Variants in SLC6A16 observed in about 807,000 individuals in gnomAD.
SLC6A16 encodes the protein orphan sodium- and chloride-dependent neurotransmitter transporter NTT5.
A neutral mutation model predicts 65.4 loss-of-function variants in SLC6A16; 54 were observed. The observed-to-expected ratio is 0.83, with a 90% CI of 0.66 to 1.04. The LOEUF is 1.04. Ranked by LOEUF, SLC6A16 falls within the 50% of genes least tolerant of loss-of-function variation. The probability of loss-of-function intolerance (pLI) is 0.00; values close to 1 mark genes in which losing one functional copy is unlikely to be tolerated. For missense variants in SLC6A16, 816 were observed against 914.0 expected, an observed-to-expected ratio of 0.89 and a Z score of 1.38; for synonymous variants, 330 against 346.5, an observed-to-expected ratio of 0.95 and a Z score of 0.53.
chr19:49,325,120 C>A lies in SLC6A16; in HGVS notation c.-137G>T. 1.0e-6 allele frequency: 1 copy of A among 985,618 alleles called. No homozygotes were observed. 61.1% of individuals were successfully genotyped at this position (985,618 alleles called of 1,614,324 possible). On this transcript the variant is annotated 5_prime_UTR_variant, in exon 1 of 12. Coordinates refer to ENST00000335875, the MANE Select transcript of SLC6A16 (RefSeq NM_014037.3). ...AAAAATGAGGGTGAAGAAGCCCCAG[C>A]TGAGAAGCCTAGCAATCTCCTCAGG...
the SLC6A16 span, among the ~76,000 whole-genome samples, chr19:49,331,116 G>T: frequency 6.6e-6 from 1 of 152,102 alleles, no homozygotes; most frequent in African/African-American, 2.4e-5. Context: ...GTGTCAGCAC[G>T]CCACTTCCTT....
chr19:49,296,512 C>A (rs117339514), intron 7 of SLC6A16, among the ~76,000 whole-genome samples: 1 of 151,894 alleles, frequency 6.6e-6, no homozygotes, highest in Non-Finnish European at 1.5e-5. Context: ...TAATTGTCAA[C>A]GAAGATACCA....
chr19:49,290,856 A>C (rs966485598), intron 10 of SLC6A16, 89 bp from the exon 11 acceptor site: 2 of 1,040,708 alleles, frequency 1.9e-6, no homozygotes, highest in Non-Finnish European at 2.8e-6. Context: ...TCTTTCAAAC[A>C]TTCTATTGTA....
the SLC6A16 span, chr19:49,338,598 C>A: frequency 2.4e-6 from 2 of 829,744 alleles, no homozygotes; most frequent in South Asian, 3.0e-5. The surrounding 1 kb of genome is among the most constrained non-coding windows in gnomAD (Gnocchi z 5.0). Context: ...ACCACTTAGT[C>A]CCCTGCTCCC....
intron 7 of SLC6A16, among the ~76,000 whole-genome samples, chr19:49,299,196 AG>A: frequency 6.6e-6 from 1 of 151,480 alleles, no homozygotes; most frequent in East Asian, 1.9e-4. Context: ...CAGTGAGCCG[AG>A]ATCGCACCTC....
At position 49,290,564 on chromosome 19, in the gene SLC6A16, C is replaced by T. The variant is rs747527331; in HGVS notation, c.1941+41G>A. On this transcript the variant is annotated intron_variant, in intron 11 of 11. Coordinates refer to ENST00000335875, the MANE Select transcript of SLC6A16 (RefSeq NM_014037.3). The stretch of plus-strand genomic sequence containing the variant: ...CCCAGAGTGAATTGAAAGGTCTGGC[C>T]CCTACTCCCAAAGGGGTTCTGGGTC... 1.3e-5 allele frequency: 21 copies of T among 1,607,486 alleles called. No individual in the cohort carries two copies. In the African/African-American group the frequency reaches 2.0e-4, roughly 15 times the overall value.
the SLC6A16 span, among the ~76,000 whole-genome samples, chr19:49,334,065 G>C: frequency 6.6e-6 from 1 of 152,194 alleles, no homozygotes; most frequent in East Asian, 1.9e-4. Flanking sequence ...TTCCCACCTC[G>C]AGCCTGTAGC....
intron 7 of SLC6A16, among the ~76,000 whole-genome samples, chr19:49,302,485 A>T (rs572605582): frequency 2.0e-5 from 3 of 152,296 alleles, no homozygotes; most frequent in African/African-American, 7.2e-5. Flanking sequence ...GTGCCACTGG[A>T]CCCAGTGCCA....
rs1970480241 is a variant in SLC6A16 at position 49,309,965 on chromosome 19, C to G, written c.700+75G>C. The G allele has an allele frequency of 3.2e-6, 5 of 1,545,474 alleles. No homozygotes were observed. The South Asian group carries it at 5.8e-5, about 18-fold the overall frequency. The stretch of plus-strand genomic sequence containing the variant: ...TTCCTCTTCCTTGTCCCTCCCCACT[C>G]TCTCCTATTCCAAATTCCCTTCTAC... On this transcript the variant is annotated intron_variant, in intron 4 of 11. Coordinates refer to ENST00000335875, the MANE Select transcript of SLC6A16 (RefSeq NM_014037.3).
At chr19:49,325,572 T>C (rs1165539763), upstream of SLC6A16, among the ~76,000 whole-genome samples, 1 of 152,172 alleles carries the variant, frequency 6.6e-6, no homozygotes, top group African/African-American at 2.4e-5. Flanking sequence ...AAACCTTAAA[T>C]ATGCGTCCAA....
At chr19:49,321,396 C>A (rs901303853) in intron 1 of SLC6A16, among the ~76,000 whole-genome samples, 1 of 151,636 alleles carries the variant, frequency 6.6e-6, no homozygotes, top group Non-Finnish European at 1.5e-5. Flanking sequence ...TGCCTGTAAT[C>A]CCAACACTTT....
chr19:49,332,822 A>G, the SLC6A16 span, among the ~76,000 whole-genome samples: 4 of 152,266 alleles, frequency 2.6e-5, no homozygotes, highest in East Asian at 7.7e-4. Context: ...TGGGTTTGCA[A>G]TGTACTTTAA....
At chr19:49,326,175 A>C (rs1412055846), upstream of SLC6A16, among the ~76,000 whole-genome samples, 2 of 152,094 alleles carry the variant, frequency 1.3e-5, no homozygotes, top group African/African-American at 4.8e-5. Flanking sequence ...GTCTCAAAAA[A>C]AAAAAGGAAA....
At chr19:49,313,625 C>CAAAAAAAAAA (rs902187308) in intron 1 of SLC6A16, among the ~76,000 whole-genome samples, 17 of 47,340 alleles carry the variant, frequency 3.6e-4, no homozygotes, top group African/African-American at 1.0e-3. Flanking sequence ...ACTAAAAATG[C>CAAAAAAAAAA]AAAAAAAAAA....
chr19:49,323,959 G>T (rs1440154559), intron 1 of SLC6A16, among the ~76,000 whole-genome samples: 1 of 152,200 alleles, frequency 6.6e-6, no homozygotes, highest in Admixed American at 6.5e-5. Context: ...GAGCCCAGAA[G>T]TTCGAGGCTG....
At chr19:49,338,848 C>T in the SLC6A16 span, 21 of 1,614,144 alleles carry the variant, frequency 1.3e-5, no homozygotes, top group African/African-American at 2.4e-4. The surrounding 1 kb of genome is among the most constrained non-coding windows in gnomAD (Gnocchi z 5.0). Flanking sequence ...GTGATCTTGC[C>T]CCAGCTCAGC....
intron 1 of SLC6A16, among the ~76,000 whole-genome samples, chr19:49,312,332 A>G (rs945169643): frequency 6.6e-6 from 1 of 152,222 alleles, no homozygotes; most frequent in African/African-American, 2.4e-5. Flanking sequence ...TCTCTGCTCA[A>G]ATATAGCCTC....
chr19:49,335,484 C>G, the SLC6A16 span: 4 of 1,207,924 alleles, frequency 3.3e-6, no homozygotes, highest in African/African-American at 1.5e-5. The surrounding 1 kb of genome is among the most constrained non-coding windows in gnomAD (Gnocchi z 4.6). Context: ...CCCTGTCTCC[C>G]CCACTGTCAG....
chr19:49,304,954 A>G lies in SLC6A16; in HGVS notation c.1229+3922T>C, dbSNP rs116293800. Reference sequence around the variant, plus strand: ...TTATAAATTGGCACAGATACTATGGAAAGTAATTTGGCATCATCTGTGAAG... The same window carrying G: ...TTATAAATTGGCACAGATACTATGGGAAGTAATTTGGCATCATCTGTGAAG... On this transcript the variant is annotated intron_variant, in intron 7 of 11. Coordinates refer to ENST00000335875, the MANE Select transcript of SLC6A16 (RefSeq NM_014037.3). Among the ~76,000 whole-genome samples, 690 of 152,340 alleles carry G rather than the reference A, an allele frequency of 4.5e-3. 3 individuals carry two copies. The highest frequency in any genetic ancestry group is 0.016 in the African/African-American group (658 of 41,570).
Sources: allele counts gnomAD v4.1 joint callset (sites outside exome capture counted in the v4.1 genomes callset), GRCh38; gene constraint gnomAD v4.1.1; non-coding constraint Gnocchi (gnomAD v3.1); transcripts MANE v1.5; gene names NCBI Gene and HGNC (gene_info 2026-07-23, HGNC 2026-07-21).